Variants in BNC2 observed in about 807,000 individuals in gnomAD.
The protein encoded by BNC2 is zinc finger protein basonuclin-2.
In BNC2, 20 loss-of-function variants were observed where a neutral mutation model predicts 76.3. The ratio of observed to expected loss-of-function variants is 0.26; its 90% CI spans 0.18 to 0.38. BNC2 has a LOEUF of 0.38. BNC2 is among the 10% of genes least tolerant of loss of function. The probability of loss-of-function intolerance (pLI) is 1.00; values close to 1 mark genes in which losing one functional copy is unlikely to be tolerated. For synonymous variants in BNC2, 582 were observed against 514.8 expected (o/e 1.13, Z -1.77); for missense variants, 1,382 against 1,399.8 (o/e 0.99, Z 0.20).
chr9:16,842,952 A>G (rs992684940), intron 1 of BNC2, among the ~76,000 whole-genome samples: 1 of 152,256 alleles, frequency 6.6e-6, no homozygotes, highest in East Asian at 1.9e-4. Context: ...CAGTTTCGCC[A>G]TGTTGGCCAG....
At chr9:16,757,805 T>A (rs1825429285) in intron 1 of BNC2, among the ~76,000 whole-genome samples, 1 of 152,218 alleles carries the variant, frequency 6.6e-6, no homozygotes. Context: ...CAATCCATTA[T>A]AATAAAGTCT....
chr9:16,669,082 G>T (rs1184333030), intron 3 of BNC2, among the ~76,000 whole-genome samples: 1 of 152,126 alleles, frequency 6.6e-6, no homozygotes, highest in Non-Finnish European at 1.5e-5. Flanking sequence ...CCACTTTGGG[G>T]ACTGAGGAAG....
intron 1 of BNC2, among the ~76,000 whole-genome samples, chr9:16,791,896 A>C (rs10756816): frequency 0.7 from 105,713 of 152,080 alleles, 39,344 homozygotes; most frequent in Non-Finnish European, 0.85. Context: ...TAAGCCCAGA[A>C]GTTAGAGACC....
intron 1 of BNC2, among the ~76,000 whole-genome samples, chr9:16,799,039 A>G (rs1030941327): frequency 6.6e-6 from 1 of 152,188 alleles, no homozygotes; most frequent in African/African-American, 2.4e-5. Context: ...CTCAGAACCA[A>G]GGTTCTGGGA....
At chr9:16,746,317 G>GC (rs1386157504) in intron 1 of BNC2, among the ~76,000 whole-genome samples, 1 of 152,020 alleles carries the variant, frequency 6.6e-6, no homozygotes, top group African/African-American at 2.4e-5. Flanking sequence ...CAGTGTCAGA[G>GC]CCCCCCACAT....
intron 3 of BNC2, among the ~76,000 whole-genome samples, chr9:16,627,219 A>C (rs1821023390): frequency 6.6e-6 from 1 of 152,140 alleles, no homozygotes; most frequent in Non-Finnish European, 1.5e-5. Context: ...ACAGAGTCTG[A>C]GGGTAGAGGC....
intron 3 of BNC2, chr9:16,727,114 C>CGCCGGAGG (rs1554717706): frequency 3.3e-5 from 5 of 152,744 alleles, no homozygotes; most frequent in African/African-American, 1.2e-4. Context: ...CGAGTGAGTG[C>CGCCGGAGG]GCCGGCGGGC....
chr9:16,515,271 G>T (rs967099426), intron 5 of BNC2, among the ~76,000 whole-genome samples: 41 of 152,162 alleles, frequency 2.7e-4, no homozygotes, highest in African/African-American at 8.7e-4. Flanking sequence ...AAGCCGACTG[G>T]GCTGTGACCT....
chr9:16,825,940 C>T (rs2135981361), intron 1 of BNC2, among the ~76,000 whole-genome samples: 1 of 152,128 alleles, frequency 6.6e-6, no homozygotes, highest in East Asian at 1.9e-4. Context: ...ACTAGCAAAC[C>T]CCTTTGTTTA....
At chr9:16,635,466 C>A (rs1357599212) in intron 3 of BNC2, among the ~76,000 whole-genome samples, 1 of 152,058 alleles carries the variant, frequency 6.6e-6, no homozygotes, top group Non-Finnish European at 1.5e-5. Context: ...CTTTTGAATA[C>A]CTTGATAACA....
At chr9:16,681,253 T>C (rs1454001300) in intron 3 of BNC2, among the ~76,000 whole-genome samples, 1 of 152,112 alleles carries the variant, frequency 6.6e-6, no homozygotes, top group Non-Finnish European at 1.5e-5. Flanking sequence ...ATAAGTAAAA[T>C]AAACAATTAA....
intron 3 of BNC2, among the ~76,000 whole-genome samples, chr9:16,691,102 C>G (rs1389994491): frequency 6.6e-6 from 1 of 152,184 alleles, no homozygotes; most frequent in East Asian, 1.9e-4. Context: ...GTAAAAATCT[C>G]TCTTCCCTGG....
intron 3 of BNC2, among the ~76,000 whole-genome samples, chr9:16,659,707 C>T (rs1489761908): frequency 1.3e-5 from 2 of 151,912 alleles, no homozygotes; most frequent in East Asian, 1.9e-4. Context: ...CTGTGCAGGG[C>T]TTGCTCTCTC....
chr9:16,502,065 G>C (rs1352812089), intron 5 of BNC2, among the ~76,000 whole-genome samples: 2 of 151,596 alleles, frequency 1.3e-5, no homozygotes, highest in African/African-American at 4.8e-5. Context: ...TCCTTTTTTT[G>C]GTTGGCATGG....
rs1999032 is a variant in BNC2 at position 16,416,997 on chromosome 9, T to G, written c.*1992A>C. On this transcript the variant is annotated 3_prime_UTR_variant, in exon 7 of 7. Transcript: ENST00000380672. ...AATGGAAACGACATAAAAGTTAAAA[T>G]AAAGGGATATTTCTAACTTTTAGAC... is the stretch of plus-strand genomic sequence containing the variant. 6.6e-6 allele frequency: 1 copy of G among 152,434 alleles called. No individual in the cohort carries two copies. Among genetic ancestry groups the G allele is most frequent in the East Asian group, 1.9e-4 (1 of 5,190 alleles). The allele number at this position is 152,434 out of a possible 1,614,324, so 9.4% of individuals were successfully genotyped here.
chr9:16,705,384 A>G (rs532231686), intron 3 of BNC2, among the ~76,000 whole-genome samples: 11 of 152,268 alleles, frequency 7.2e-5, no homozygotes, highest in African/African-American at 2.6e-4. Flanking sequence ...CACTGAGCAC[A>G]GAGGGGCCAC....
intron 1 of BNC2, among the ~76,000 whole-genome samples, chr9:16,767,172 A>T (rs1044820496): frequency 1.3e-5 from 2 of 152,228 alleles, no homozygotes; most frequent in Admixed American, 1.3e-4. Context: ...AGAAAGCCAG[A>T]TGGTAGACTC....
At chr9:16,752,501 G>A (rs1365205658) in intron 1 of BNC2, among the ~76,000 whole-genome samples, 1 of 152,198 alleles carries the variant, frequency 6.6e-6, no homozygotes, top group Admixed American at 6.5e-5. Context: ...GACTGAAGCT[G>A]TGAATTAGTA....
chr9:16,870,553 A>ACGGCCCCCGGGCGGCCC (rs1819657487), intron 1 of BNC2, 93 bp downstream of exon 1: 3 of 1,457,060 alleles, frequency 2.1e-6, no homozygotes, highest in Non-Finnish European at 1.9e-6. Context: ...GAGGGCGGAC[A>ACGGCCCCCGGGCGGCCC]CGGCCCCCGG....
Sources: gnomAD v4.1 joint callset for allele counts (sites outside exome capture counted in the v4.1 genomes callset) on GRCh38, gnomAD v4.1.1 for gene constraint, MANE v1.5 for transcripts, NCBI Gene and HGNC (gene_info 2026-07-23, HGNC 2026-07-21) for gene names.